Variants in CDCA7 observed in about 807,000 individuals in gnomAD.
CDCA7 encodes the protein cell division cycle-associated protein 7.
In CDCA7, 28 loss-of-function variants were observed where a neutral mutation model predicts 54.0. The observed-to-expected ratio is 0.52, with a 90% CI of 0.38 to 0.71. The LOEUF (loss-of-function observed/expected upper bound fraction) is 0.71. Among genes scored for constraint, CDCA7 ranks in the 30% least tolerant of loss-of-function variants. CDCA7 has a pLI of 0.00. For missense variants in CDCA7, 484 were observed against 586.0 expected (o/e 0.83, Z 1.80); for synonymous variants, 180 against 208.2 (o/e 0.86, Z 1.16).
At chr2:173,363,583 TACC>T in intron 4 of CDCA7, 121 bp downstream of exon 4, 1 of 1,074,672 alleles carries the variant, frequency 9.3e-7, no homozygotes, top group Non-Finnish European at 1.4e-6. Flanking sequence ...TATTTTTGTT[TACC>T]TGTGAAGTCT....
intron 5 of CDCA7, 31 bp downstream of exon 5, chr2:173,363,926 G>T: frequency 6.3e-7 from 1 of 1,589,932 alleles, no homozygotes; most frequent in Non-Finnish European, 8.6e-7. Flanking sequence ...ATATACAGTA[G>T]TGTTTTGGGC....
intron 2 of CDCA7, 126 bp from the exon 3 acceptor site, chr2:173,359,129 T>G: frequency 3.6e-6 from 3 of 822,274 alleles, no homozygotes; most frequent in South Asian, 1.8e-5. Context: ...CCATTTTTCT[T>G]TGTAACAAAA....
At chr2:173,359,748 G>T (rs893359465) in intron 3 of CDCA7, among the ~76,000 whole-genome samples, 1 of 152,110 alleles carries the variant, frequency 6.6e-6, no homozygotes, top group South Asian at 2.1e-4. Context: ...CCAGATTTTC[G>T]TTTCCACAAA....
intron 1 of CDCA7, 115 bp from the exon 2 acceptor site, chr2:173,358,597 A>G (rs1221762442): frequency 2.6e-6 from 3 of 1,148,440 alleles, no homozygotes; most frequent in South Asian, 2.0e-5. Flanking sequence ...GTAGGGTATG[A>G]TAAATGGACA....
chr2:173,357,054 C>A (rs555697454), intron 1 of CDCA7, among the ~76,000 whole-genome samples: 2 of 152,316 alleles, frequency 1.3e-5, no homozygotes, highest in South Asian at 4.1e-4. Flanking sequence ...TTTGTAGAAT[C>A]TATACCAGAG....
intron 1 of CDCA7, among the ~76,000 whole-genome samples, chr2:173,357,560 A>G (rs1686533191): frequency 6.6e-6 from 1 of 152,224 alleles, no homozygotes; most frequent in African/African-American, 2.4e-5. Context: ...GCCATCTTGA[A>G]GTAGAGGTCC....
chr2:173,367,146 T>C lies in CDCA7; in HGVS notation c.1186-4T>C, dbSNP rs777765693. The C allele has an allele frequency of 7.0e-6, 11 of 1,577,646 alleles. No individual in the cohort carries two copies. In the South Asian group the frequency reaches 1.3e-4, roughly 19 times the overall value. ...AATTGTGCCGTTTGACAATCCTCCTTCAGAACTGGCATTGCCCGCCTTGTC... is the reference window on the plus strand; with the variant it reads ...AATTGTGCCGTTTGACAATCCTCCTCCAGAACTGGCATTGCCCGCCTTGTC... On this transcript the variant is annotated splice_polypyrimidine_tract_variant and splice_region_variant and intron_variant, in intron 8 of 9. Coordinates refer to ENST00000306721, the MANE Select transcript of CDCA7 (RefSeq NM_031942.5).
chr2:173,363,766 T>A, intron 4 of CDCA7, 52 bp from the exon 5 acceptor site: 1 of 1,559,690 alleles, frequency 6.4e-7, no homozygotes, highest in Non-Finnish European at 8.8e-7. Flanking sequence ...GTTGCTCATT[T>A]TCGACAGTTA....
chr2:173,357,206 T>A (rs1330127265), intron 1 of CDCA7, among the ~76,000 whole-genome samples: 2 of 152,238 alleles, frequency 1.3e-5, no homozygotes, highest in Admixed American at 6.5e-5. Flanking sequence ...ATCCTTTTTT[T>A]ATACAAGATA....
rs1454432273 is a variant in CDCA7 at position 173,354,872 on chromosome 2, G to A, written c.-92G>A. ...TCGGCGCGCCCAGCCTGCCAGCCGC[G>A]CTGCTGCTGCTCCTCCTGCTGTGGG... On this transcript the variant is annotated 5_prime_UTR_variant, in exon 1 of 10. Transcript: ENST00000306721. 2 of 1,196,698 alleles carry A rather than the reference G, an allele frequency of 1.7e-6. No individual in the cohort carries two copies. The highest frequency in any genetic ancestry group is 3.6e-5 in the Admixed American group (1 of 27,548). The allele number at this position is 1,196,698 out of a possible 1,614,324, so 74.1% of individuals were successfully genotyped here. A position where few individuals can be genotyped will look rare whatever the true frequency, so the allele number is the denominator to read the frequency against.
Position 173,358,779 on chromosome 2 carries a change from C to T in CDCA7, c.89C>T (p.Thr30Ile), listed in dbSNP as rs1444367751. Residue 30 changes from threonine to isoleucine, a missense_variant, in exon 2 of 10, where the codon ACC becomes ATC. By Grantham distance (89) the Thr-to-Ile change is moderately conservative. Around this residue, in one of 3 missense-constraint regions of CDCA7, gnomAD observed 398 missense variants for 447.4 expected, o/e 0.89. Coordinates refer to ENST00000306721, the MANE Select transcript of CDCA7 (RefSeq NM_031942.5). Reference protein sequence around the residue: ...FRYVKLISMETSSSSDDSCDS... With the variant: ...FRYVKLISMEISSSSDDSCDS... Reference sequence around the variant, plus strand: ...TATGTGAAGTTGATTTCCATGGAAACCTCGTCATCCTCTGATGACAGTTGT... The same window carrying T: ...TATGTGAAGTTGATTTCCATGGAAATCTCGTCATCCTCTGATGACAGTTGT... 6.2e-7 allele frequency: 1 copy of T among 1,613,846 alleles called. No individual in the cohort carries two copies. The highest frequency in any genetic ancestry group is 8.5e-7 in the Non-Finnish European group (1 of 1,179,892).
Position 173,368,869 on chromosome 2 carries a change from C to T in CDCA7, c.*1205C>T, listed in dbSNP as rs1686770930. 1 of 152,174 alleles carries T rather than the reference C, an allele frequency of 6.6e-6. No individual in the cohort carries two copies. Among genetic ancestry groups the T allele is most frequent in the African/African-American group, 2.4e-5 (1 of 41,436 alleles). The allele number at this position is 152,174 out of a possible 1,614,324, so 9.4% of individuals were successfully genotyped here. A position where few individuals can be genotyped will look rare whatever the true frequency, so the allele number is the denominator to read the frequency against. ...GCTTTTGATCTGTAATGCTTTTATACAAAAGTTTATTTTAATAATAAAATG... is the reference window on the plus strand; with the variant it reads ...GCTTTTGATCTGTAATGCTTTTATATAAAAGTTTATTTTAATAATAAAATG... On this transcript the variant is annotated 3_prime_UTR_variant, in exon 10 of 10. Coordinates refer to ENST00000306721, the MANE Select transcript of CDCA7 (RefSeq NM_031942.5).
chr2:173,363,614 A>G (rs1686664636), intron 4 of CDCA7, 152 bp downstream of exon 4: 1 of 931,542 alleles, frequency 1.1e-6, no homozygotes, highest in Non-Finnish European at 1.6e-6. Flanking sequence ...GTGCCTCAAA[A>G]TGTGTTTCTT....
chr2:173,364,717 G>A (rs1436634891), intron 5 of CDCA7, 78 bp from the exon 6 acceptor site: 2 of 1,516,874 alleles, frequency 1.3e-6, no homozygotes, highest in African/African-American at 1.4e-5. Context: ...CATCCTTAAG[G>A]AGAAGCTATG....
chr2:173,364,881 A>G lies in CDCA7; in HGVS notation c.786A>G (p.Ser262=), dbSNP rs766427795. 6.2e-7 allele frequency: 1 copy of G among 1,610,988 alleles called. No homozygotes were observed. The highest frequency in any genetic ancestry group is 1.3e-5 in the African/African-American group (1 of 74,692). ...GGAGAGCTCGTCCTCTTACCAGGTC[A>G]AGGTCCCGGATCCTCGGGTCCCTTG... ...PERRARPLTR[S]RSRILGSLDA... The change falls in exon 6 of 10, where the codon TCA becomes TCG. Residue 262 remains serine, a synonymous_variant. Transcript: ENST00000306721.
intron 1 of CDCA7, among the ~76,000 whole-genome samples, chr2:173,355,668 A>AACCCCCC (rs554088581): frequency 0.012 from 490 of 40,256 alleles, 2 homozygotes; most frequent in African/African-American, 0.041. Context: ...CCCAACCCCC[A>AACCCCCC]ACCCCCCACC....
intron 1 of CDCA7, among the ~76,000 whole-genome samples, chr2:173,355,331 G>T (rs1450545211): frequency 6.6e-6 from 1 of 152,210 alleles, no homozygotes; most frequent in Non-Finnish European, 1.5e-5. Flanking sequence ...GGCAGAGCCA[G>T]CCTGCCTGCC....
chr2:173,365,336 T>C, intron 6 of CDCA7, 116 bp from the exon 7 acceptor site: 1 of 1,167,844 alleles, frequency 8.6e-7, no homozygotes, highest in Non-Finnish European at 1.2e-6. Context: ...GATTCAAAGC[T>C]GGGGAGAGCC....
chr2:173,365,746 C>G, intron 7 of CDCA7, among the ~76,000 whole-genome samples, 154 bp downstream of exon 7: 1 of 152,126 alleles, frequency 6.6e-6, no homozygotes, highest in East Asian at 1.9e-4. Flanking sequence ...TTTACAGTAT[C>G]CCTGGGATTT....
Sources: allele counts gnomAD v4.1 joint callset (sites outside exome capture counted in the v4.1 genomes callset), GRCh38; gene constraint gnomAD v4.1.1; regional missense constraint gnomAD v4.1.1; transcripts MANE v1.5; gene names NCBI Gene and HGNC (gene_info 2026-07-23, HGNC 2026-07-21).